NXNL2: variants seen among roughly 807,000 people sequenced by gnomAD.
The protein encoded by NXNL2 is nucleoredoxin like 2, also known as nucleoredoxin-like protein 2.
Under a neutral mutation model 11.1 loss-of-function variants are expected in NXNL2, and 7 were observed. The ratio of observed to expected loss-of-function variants is 0.63; its 90% CI spans 0.36 to 1.18. The LOEUF (loss-of-function observed/expected upper bound fraction) is 1.18. NXNL2 is among the 50% of genes most tolerant of loss of function. The pLI is 0.02. For synonymous variants in NXNL2, 109 were observed against 101.8 expected (o/e 1.07, Z -0.42); for missense variants, 233 against 217.7 (o/e 1.07, Z -0.44).
intron 1 of NXNL2, among the ~76,000 whole-genome samples, chr9:88,559,766 C>T (rs1168651706): frequency 2.0e-5 from 3 of 152,202 alleles, no homozygotes; most frequent in African/African-American, 4.8e-5. Flanking sequence ...AAACAAATGG[C>T]CTCAGTGGAA....
At chr9:88,565,416 A>T (rs1830154470) in intron 1 of NXNL2, among the ~76,000 whole-genome samples, 1 of 152,088 alleles carries the variant, frequency 6.6e-6, no homozygotes, top group African/African-American at 2.4e-5. Context: ...TCTATTTTTA[A>T]TTTTTTGAGG....
downstream of NXNL2, among the ~76,000 whole-genome samples, chr9:88,547,242 G>A (rs1423914761): frequency 6.6e-6 from 1 of 152,216 alleles, no homozygotes; most frequent in African/African-American, 2.4e-5. Context: ...CTTTATCAAA[G>A]CCCAGGGTGC....
chr9:88,535,240 T>G lies in NXNL2; in HGVS notation c.-195T>G, dbSNP rs1487826499. 9 of 570,752 alleles carry G rather than the reference T, an allele frequency of 1.6e-5. No individual in the cohort carries two copies. In the East Asian group the frequency reaches 2.5e-4, roughly 16 times the overall value. The allele number at this position is 570,752 out of a possible 1,614,324, so 35.4% of individuals were successfully genotyped here. On this transcript the variant is annotated 5_prime_UTR_variant, in exon 1 of 2. Coordinates refer to ENST00000375854, the MANE Select transcript of NXNL2 (RefSeq NM_001161625.2). ...TCTCTGGTGTCTGAGTGTCTCATTG[T>G]CGGCGCGAACACAATTGCTCCAGCC...
intron 1 of NXNL2, among the ~76,000 whole-genome samples, chr9:88,557,767 C>A (rs1244224116): frequency 6.6e-6 from 1 of 152,198 alleles, no homozygotes; most frequent in Non-Finnish European, 1.5e-5. Flanking sequence ...TCATCAGAAT[C>A]CCTGCAGTCA....
chr9:88,537,296 T>A (rs933278631), intron 1 of NXNL2, among the ~76,000 whole-genome samples: 1 of 152,142 alleles, frequency 6.6e-6, no homozygotes, highest in Non-Finnish European at 1.5e-5. Context: ...ACTTCCTCAC[T>A]GAGGGGGTGG....
chr9:88,556,618 C>T (rs937195018), intron 1 of NXNL2, among the ~76,000 whole-genome samples: 1 of 152,100 alleles, frequency 6.6e-6, no homozygotes, highest in African/African-American at 2.4e-5. Flanking sequence ...GTCATGGACT[C>T]TACCTGGAGC....
Position 88,535,181 on chromosome 9 carries a change from G to A in NXNL2, c.-254G>A, listed in dbSNP as rs1291154073. The A allele has an allele frequency of 1.9e-6, 1 of 527,726 alleles. No individual in the cohort carries two copies. The highest frequency in any genetic ancestry group is 3.3e-6 in the Non-Finnish European group (1 of 303,206). 32.7% of individuals were successfully genotyped at this position (527,726 alleles called of 1,614,324 possible). ...TTGCCTGGCTGGCCCCGCTCCCAGA[G>A]GCGGGTGCCGCGCTGTCGCCCAGGT... On this transcript the variant is annotated 5_prime_UTR_variant, in exon 1 of 2. Coordinates refer to ENST00000375854, the MANE Select transcript of NXNL2 (RefSeq NM_001161625.2).
downstream of NXNL2, among the ~76,000 whole-genome samples, chr9:88,580,719 A>G (rs1363871637): frequency 6.6e-6 from 1 of 152,212 alleles, no homozygotes; most frequent in Non-Finnish European, 1.5e-5. Context: ...AGTACTGTTA[A>G]CGAATCCACC....
chr9:88,558,909 C>A (rs536188273), intron 1 of NXNL2, among the ~76,000 whole-genome samples: 4 of 152,006 alleles, frequency 2.6e-5, no homozygotes, highest in Non-Finnish European at 4.4e-5. Flanking sequence ...GGAGATAGTC[C>A]CCTCTGATCC....
At chr9:88,578,088 A>T (rs1389305663), downstream of NXNL2, among the ~76,000 whole-genome samples, 1 of 152,244 alleles carries the variant, frequency 6.6e-6, no homozygotes, top group Non-Finnish European at 1.5e-5. Context: ...CTATGAAAAC[A>T]AGTTAAGAGT....
chr9:88,535,339 C>G lies in NXNL2; in HGVS notation c.-96C>G. On this transcript the variant is annotated 5_prime_UTR_variant, in exon 1 of 2. Coordinates refer to ENST00000375854, the MANE Select transcript of NXNL2 (RefSeq NM_001161625.2). Reference sequence around the variant, plus strand: ...GAGGTCCAGCGCCCGGTGGTGCGGACAGAGGCGGGGCACCGCGGCGCTCGC... The same window carrying G: ...GAGGTCCAGCGCCCGGTGGTGCGGAGAGAGGCGGGGCACCGCGGCGCTCGC... 3.1e-6 allele frequency: 4 copies of G among 1,283,140 alleles called. No homozygotes were observed. The highest frequency in any genetic ancestry group is 4.2e-6 in the Non-Finnish European group (4 of 955,594). The allele number at this position is 1,283,140 out of a possible 1,614,324, so 79.5% of individuals were successfully genotyped here. A position where few individuals can be genotyped will look rare whatever the true frequency, so the allele number is the denominator to read the frequency against.
At chr9:88,576,688 G>A (rs1187802738), downstream of NXNL2, among the ~76,000 whole-genome samples, 1 of 152,152 alleles carries the variant, frequency 6.6e-6, no homozygotes, top group African/African-American at 2.4e-5. Flanking sequence ...GGCTGGGACT[G>A]CTCCCTTCTC....
chr9:88,566,987 T>TCTATCTATCTATCTATCTATCTATCTAC (rs1830181563), intron 1 of NXNL2, among the ~76,000 whole-genome samples: 2 of 148,914 alleles, frequency 1.3e-5, no homozygotes, highest in African/African-American at 5.1e-5. Flanking sequence ...TATCTATCTA[T>TCTATCTATCTATCTATCTATCTATCTAC]CTATCTATCT....
chr9:88,567,489 T>C (rs1830193557), intron 1 of NXNL2, among the ~76,000 whole-genome samples: 1 of 152,222 alleles, frequency 6.6e-6, no homozygotes, highest in African/African-American at 2.4e-5. Flanking sequence ...TACTATAATT[T>C]ATTCTCTACA....
chr9:88,583,538 A>G (rs1016026287), intron 1 of NXNL2, among the ~76,000 whole-genome samples: 5 of 151,980 alleles, frequency 3.3e-5, no homozygotes, highest in Admixed American at 2.6e-4. Context: ...CTACACAGAC[A>G]CCCCCGCTTT....
chr9:88,562,866 G>A (rs1470004174), intron 1 of NXNL2, among the ~76,000 whole-genome samples: 4 of 151,848 alleles, frequency 2.6e-5, no homozygotes, highest in African/African-American at 9.7e-5. Context: ...AAGGCAGGTG[G>A]ATCACAAGGT....
At chr9:88,540,943 T>A (rs1176866965) in intron 1 of NXNL2, among the ~76,000 whole-genome samples, 1 of 98,918 alleles carries the variant, frequency 1.0e-5, no homozygotes, top group East Asian at 3.2e-3. Flanking sequence ...AGATTTTTTT[T>A]TTTTTTTTTT....
intron 1 of NXNL2, among the ~76,000 whole-genome samples, chr9:88,536,785 C>T (rs970660284): frequency 1.3e-5 from 2 of 152,312 alleles, no homozygotes; most frequent in East Asian, 3.9e-4. Context: ...AAAGAGGAGG[C>T]CCAGGCAGGG....
At chr9:88,545,470 A>T (rs1457772410), downstream of NXNL2, among the ~76,000 whole-genome samples, 1 of 152,164 alleles carries the variant, frequency 6.6e-6, no homozygotes. Flanking sequence ...ATTTGGAGCA[A>T]AGCTGACACC....
Sources: allele counts gnomAD v4.1 joint callset (sites outside exome capture counted in the v4.1 genomes callset), GRCh38; gene constraint gnomAD v4.1.1; transcripts MANE v1.5; gene names NCBI Gene and HGNC (gene_info 2026-07-23, HGNC 2026-07-21).